PHYKPL: variants seen among roughly 807,000 people sequenced by gnomAD.
The protein encoded by PHYKPL is 5-phosphonooxy-L-lysine phospho-lyase.
A neutral mutation model predicts 51.3 loss-of-function variants in PHYKPL; 42 were observed. The observed-to-expected ratio is 0.82, with a 90% CI of 0.64 to 1.06. The LOEUF is 1.06. PHYKPL is among the 50% of genes least tolerant of loss of function. The pLI, the probability that PHYKPL is intolerant of heterozygous loss-of-function variation, is 0.00. For missense variants in PHYKPL, 655 were observed against 586.6 expected (o/e 1.12, Z -1.20); for synonymous variants, 264 against 236.0 (o/e 1.12, Z -1.09).
intron 3 of PHYKPL, chr5:178,225,751 G>A: frequency 3.1e-6 from 1 of 323,402 alleles, no homozygotes; most frequent in Non-Finnish European, 5.9e-6. Flanking sequence ...AGACTTCTGT[G>A]ACTCCAAAAA....
At chr5:178,230,178 A>C in intron 2 of PHYKPL, 79 bp from the exon 3 acceptor site, 2 of 1,559,362 alleles carry the variant, frequency 1.3e-6, no homozygotes, top group Non-Finnish European at 1.8e-6. Flanking sequence ...CCAAGCTATA[A>C]ACCCAGCCAG....
intron 12 of PHYKPL, 103 bp downstream of exon 12, chr5:178,211,786 CA>C (rs567621837): frequency 8.9e-5 from 66 of 740,672 alleles, no homozygotes; most frequent in Admixed American, 1.3e-4. Context: ...TCAGTCAGAA[CA>C]AAAAAAAGTC....
rs202216488 is a variant in PHYKPL, at chr5:178,232,459, GCGCCCCCCGCCGCC to G, written c.59+19_59+32del. ...TGCGCGTGCCTCTCCGCGCAGCCCC[GCGCCCCCCGCCGCC>G]CGCCCCCCGCCCGGGTACCTGATGA... is the stretch of plus-strand genomic sequence containing the variant. On this transcript the variant is annotated intron_variant, in intron 1 of 12. Coordinates refer to ENST00000308158, the MANE Select transcript of PHYKPL (RefSeq NM_153373.4). 5.1e-3 allele frequency: 6,998 copies of G among 1,372,886 alleles called. 39 individuals carry two copies. Among genetic ancestry groups the G allele is most frequent in the Middle Eastern group, 0.011 (40 of 3,732 alleles). The allele number at this position is 1,372,886 out of a possible 1,614,324, so 85.0% of individuals were successfully genotyped here.
Position 178,211,911 on chromosome 5 carries a change from CAGGGCTGGCTT to C in PHYKPL, c.1352_*9del. On this transcript the variant is annotated stop_lost and 3_prime_UTR_variant, in exon 12 of 13. Transcript: ENST00000308158. ...TCACCTGGAGTACACTTAGGCAGAG[CAGGGCTGGCTT>C]AGGGCTGGAGCCTCAGCGTTTCACA... The C allele has an allele frequency of 6.2e-7, 1 of 1,614,034 alleles. No individual in the cohort carries two copies. Among genetic ancestry groups the C allele is most frequent in the Non-Finnish European group, 8.5e-7 (1 of 1,179,898 alleles).
At chr5:178,227,064 AC>A (rs1291260124) in intron 3 of PHYKPL, among the ~76,000 whole-genome samples, 4 of 151,174 alleles carry the variant, frequency 2.6e-5, no homozygotes, top group Admixed American at 6.6e-5. Context: ...GCTGAGCTGC[AC>A]CCCCCCACCC....
intron 12 of PHYKPL, chr5:178,210,745 T>A: frequency 1.3e-6 from 1 of 756,110 alleles, no homozygotes; most frequent in Non-Finnish European, 2.3e-6. Flanking sequence ...GCATCTTATT[T>A]AAAATTTCCC....
chr5:178,208,483 G>A lies in PHYKPL; in HGVS notation c.*464C>T, dbSNP rs1302874819. ...AAACTACTGGTAGTGAGTCTTAGGA[G>A]TAAGTATATTTAGTTGGTTATATTC... On this transcript the variant is annotated 3_prime_UTR_variant, in exon 13 of 13. Coordinates refer to ENST00000308158, the MANE Select transcript of PHYKPL (RefSeq NM_153373.4). The A allele has an allele frequency of 1.3e-5, 2 of 152,178 alleles. No homozygotes were observed. Among genetic ancestry groups the A allele is most frequent in the Non-Finnish European group, 2.9e-5 (2 of 68,042 alleles). 9.4% of individuals were successfully genotyped at this position (152,178 alleles called of 1,614,324 possible).
rs568610081 is a variant in PHYKPL at position 178,226,309 on chromosome 5, C to T, written c.339-880G>A. On this transcript the variant is annotated intron_variant, in intron 3 of 12. Coordinates refer to ENST00000308158, the MANE Select transcript of PHYKPL (RefSeq NM_153373.4). ...CTAGGCTGGTCTCAAACTCCTGATC[C>T]ACCCGCCTCGGCCTCCCAAAGTGCT... 2.6e-5 allele frequency among the ~76,000 whole-genome samples: 4 copies of T among 152,148 alleles called. No individual in the cohort carries two copies. The South Asian group carries it at 8.3e-4, about 32-fold the overall frequency.
At chr5:178,230,922 C>CT (rs55982808) in intron 2 of PHYKPL, 5,718 of 145,118 alleles carry the variant, frequency 0.039, 137 homozygotes, top group Middle Eastern at 0.061. Flanking sequence ...AGAGTCTCTG[C>CT]TTTTTTTTTT....
chr5:178,210,483 T>C, intron 12 of PHYKPL: 3 of 1,519,250 alleles, frequency 2.0e-6, no homozygotes, highest in Non-Finnish European at 2.7e-6. Context: ...CCTGGGAAGA[T>C]GCATATCAAG....
downstream of PHYKPL, chr5:178,207,279 T>C (rs965503872): frequency 1.4e-5 from 22 of 1,605,164 alleles, no homozygotes; most frequent in Non-Finnish European, 1.9e-5. Context: ...AGCTGGCCCT[T>C]AGAGGGATGG....
At chr5:178,215,485 A>G (rs1759590016) in intron 8 of PHYKPL, 55 bp from the exon 9 acceptor site, 17 of 1,558,036 alleles carry the variant, frequency 1.1e-5, no homozygotes, top group Non-Finnish European at 1.5e-5. Flanking sequence ...GCCATGCCCC[A>G]GAGTGAGGGT....
At chr5:178,210,374 G>T in intron 12 of PHYKPL, 1 of 1,586,420 alleles carries the variant, frequency 6.3e-7, no homozygotes, top group Admixed American at 1.8e-5. Flanking sequence ...AGTCAGACAG[G>T]CCTGGCTCAG....
chr5:178,232,128 C>T, intron 1 of PHYKPL: 1 of 1,190,340 alleles, frequency 8.4e-7, no homozygotes, highest in African/African-American at 1.6e-5. Flanking sequence ...GTGCTGCTGA[C>T]GGGCCACCCT....
At chr5:178,218,849 A>C (rs1295348523) in intron 8 of PHYKPL, among the ~76,000 whole-genome samples, 1 of 152,186 alleles carries the variant, frequency 6.6e-6, no homozygotes, top group African/African-American at 2.4e-5. Context: ...AAGAAGAAAT[A>C]TTTCCCAATT....
chr5:178,231,692 G>A (rs1763464234), intron 1 of PHYKPL, 169 bp from the exon 2 acceptor site: 2 of 1,562,162 alleles, frequency 1.3e-6, no homozygotes, highest in Non-Finnish European at 8.7e-7. Flanking sequence ...TCCACAGGTG[G>A]TTGCAAAGCA....
chr5:178,218,473 G>A (rs1760415742), intron 8 of PHYKPL, among the ~76,000 whole-genome samples: 1 of 152,120 alleles, frequency 6.6e-6, no homozygotes, highest in Non-Finnish European at 1.5e-5. Flanking sequence ...CAAGAATAGA[G>A]CCTTCATGAA....
At chr5:178,218,850 T>C (rs2113823729) in intron 8 of PHYKPL, among the ~76,000 whole-genome samples, 1 of 152,296 alleles carries the variant, frequency 6.6e-6, no homozygotes, top group Middle Eastern at 3.4e-3. Context: ...AGAAGAAATA[T>C]TTCCCAATTT....
At chr5:178,224,818 A>C in intron 4 of PHYKPL, 89 bp from the exon 5 acceptor site, 4 of 1,072,492 alleles carry the variant, frequency 3.7e-6, no homozygotes, top group Non-Finnish European at 5.4e-6. Flanking sequence ...CCCTGAAGAC[A>C]CACAAGGGAG....
Sources: allele counts gnomAD v4.1 joint callset (sites outside exome capture counted in the v4.1 genomes callset), GRCh38; gene constraint gnomAD v4.1.1; transcripts MANE v1.5; gene names NCBI Gene and HGNC (gene_info 2026-07-23, HGNC 2026-07-21).